The following SDC2 variants were observed in gnomAD, a reference collection of about 807,000 sequenced individuals.
SDC2 encodes the protein syndecan 2, also known as syndecan-2.
Under a neutral mutation model 22.2 loss-of-function variants are expected in SDC2, and 13 were observed. That is an observed-to-expected ratio of 0.59 (90% CI 0.38 to 0.93). SDC2 has a LOEUF of 0.93. Ranked by LOEUF, SDC2 falls within the 40% of genes least tolerant of loss-of-function variation. The pLI is 0.00. For synonymous variants in SDC2, 94 were observed against 92.8 expected (o/e 1.01, Z -0.07); for missense variants, 235 against 246.8 (o/e 0.95, Z 0.32).
chr8:96,507,117 C>T (rs1350417930), intron 1 of SDC2, among the ~76,000 whole-genome samples: 1 of 151,248 alleles, frequency 6.6e-6, no homozygotes, highest in Non-Finnish European at 1.5e-5. Flanking sequence ...GTTTTTGTAA[C>T]AACGGATTTT....
chr8:96,528,285 A>G (rs995561130), intron 1 of SDC2, among the ~76,000 whole-genome samples: 5 of 152,212 alleles, frequency 3.3e-5, no homozygotes, highest in Non-Finnish European at 5.9e-5. Context: ...TTTAAGCCTA[A>G]AAGCCAAAAA....
At chr8:96,534,796 G>A (rs1170872557) in intron 1 of SDC2, among the ~76,000 whole-genome samples, 1 of 151,770 alleles carries the variant, frequency 6.6e-6, no homozygotes, top group African/African-American at 2.4e-5. Flanking sequence ...TTCTCCCCCA[G>A]GAATATTTTA....
At chr8:96,590,361 CCAG>C (rs1298683121) in intron 1 of SDC2, among the ~76,000 whole-genome samples, 3 of 152,214 alleles carry the variant, frequency 2.0e-5, no homozygotes, top group African/African-American at 7.2e-5. Flanking sequence ...TTGCTTTCGT[CCAG>C]CGTCTCGGTC....
chr8:96,606,999 C>T (rs1179752568), intron 3 of SDC2, among the ~76,000 whole-genome samples: 2 of 152,154 alleles, frequency 1.3e-5, no homozygotes, highest in African/African-American at 2.4e-5. Flanking sequence ...GCTCCGCCTC[C>T]TGTCAGATCA....
chr8:96,590,105 T>C (rs997038744), intron 1 of SDC2, among the ~76,000 whole-genome samples: 5 of 152,278 alleles, frequency 3.3e-5, no homozygotes, highest in African/African-American at 1.2e-4. Flanking sequence ...ATTTTCCTCT[T>C]GGTCGTACCT....
At chr8:96,531,973 C>A (rs1000512657) in intron 1 of SDC2, among the ~76,000 whole-genome samples, 1 of 152,176 alleles carries the variant, frequency 6.6e-6, no homozygotes, top group African/African-American at 2.4e-5. Context: ...TCCACCATGA[C>A]CTCAAGATGG....
chr8:96,575,402 G>A (rs1814471352), intron 1 of SDC2, among the ~76,000 whole-genome samples: 1 of 151,702 alleles, frequency 6.6e-6, no homozygotes, highest in South Asian at 2.1e-4. Flanking sequence ...TGGTGGCGGG[G>A]AGAGTTTCTG....
At chr8:96,608,498 G>C in intron 4 of SDC2, 28 bp downstream of exon 4, 2 of 1,599,644 alleles carry the variant, frequency 1.3e-6, no homozygotes, top group Non-Finnish European at 1.7e-6. Flanking sequence ...CCTCAGGTGG[G>C]AGGGTGCCTA....
At chr8:96,581,557 G>C (rs973646599) in intron 1 of SDC2, among the ~76,000 whole-genome samples, 28 of 152,166 alleles carry the variant, frequency 1.8e-4, no homozygotes, top group African/African-American at 6.5e-4. Flanking sequence ...TCTTGAACCT[G>C]GGAGGCAGAG....
intron 1 of SDC2, among the ~76,000 whole-genome samples, chr8:96,561,421 A>G (rs1814208286): frequency 6.6e-6 from 1 of 152,176 alleles, no homozygotes; most frequent in Admixed American, 6.5e-5. Flanking sequence ...TACTGTAGCA[A>G]TACTCTTTGG....
chr8:96,573,405 T>C (rs1350531825), intron 1 of SDC2, among the ~76,000 whole-genome samples: 3 of 15,090 alleles, frequency 2.0e-4, no homozygotes, highest in Non-Finnish European at 6.6e-4. Context: ...GGGGAAACCA[T>C]GGGATTGCTA....
chr8:96,505,993 T>C (rs1407426251), intron 1 of SDC2, among the ~76,000 whole-genome samples: 1 of 152,226 alleles, frequency 6.6e-6, no homozygotes, highest in African/African-American at 2.4e-5. Flanking sequence ...TTGAATCTAG[T>C]TCGGCATTTG....
At chr8:96,584,284 T>C (rs1814644999) in intron 1 of SDC2, among the ~76,000 whole-genome samples, 1 of 152,248 alleles carries the variant, frequency 6.6e-6, no homozygotes, top group Admixed American at 6.5e-5. Context: ...GGTCTGCCCT[T>C]TGGCCCCAAG....
At chr8:96,558,330 G>A (rs1435034605) in intron 1 of SDC2, among the ~76,000 whole-genome samples, 3 of 152,030 alleles carry the variant, frequency 2.0e-5, no homozygotes, top group Non-Finnish European at 4.4e-5. Flanking sequence ...AGAGGAGTTG[G>A]CTTATGGTGT....
At chr8:96,536,198 G>A (rs1156739810) in intron 1 of SDC2, among the ~76,000 whole-genome samples, 6 of 151,930 alleles carry the variant, frequency 3.9e-5, no homozygotes. Context: ...GACAGAAGTG[G>A]GTCTGCCACA....
At chr8:96,579,992 GC>G (rs369734762) in intron 1 of SDC2, among the ~76,000 whole-genome samples, 1 of 152,190 alleles carries the variant, frequency 6.6e-6, no homozygotes, top group Non-Finnish European at 1.5e-5. Context: ...TTTTTACAGA[GC>G]CCCCCCAGCA....
Position 96,504,084 on chromosome 8 carries a change from A to G in SDC2, c.60+9753A>G, listed in dbSNP as rs566072484. ...ACAGTTTAAGGGAGATAACAATATG[A>G]TCATCTCAACAGATGCAGAAAAAGC... On this transcript the variant is annotated intron_variant, in intron 1 of 4. Transcript: ENST00000302190. 2.0e-5 allele frequency among the ~76,000 whole-genome samples: 3 copies of G among 152,364 alleles called. No homozygotes were observed. In the South Asian group the frequency reaches 6.2e-4, roughly 32 times the overall value.
chr8:96,529,682 T>C (rs961625783), intron 1 of SDC2, among the ~76,000 whole-genome samples: 3 of 152,180 alleles, frequency 2.0e-5, no homozygotes, highest in African/African-American at 7.2e-5. Context: ...TGAGTAGCCT[T>C]CTTACTTGGG....
chr8:96,494,622 G>A (rs568357738), intron 1 of SDC2, among the ~76,000 whole-genome samples: 1 of 152,242 alleles, frequency 6.6e-6, no homozygotes, highest in East Asian at 1.9e-4. Context: ...CTTCGCCCTC[G>A]GCGGGTCTTG....
Sources: gnomAD v4.1 joint callset for allele counts (sites outside exome capture counted in the v4.1 genomes callset) on GRCh38, gnomAD v4.1.1 for gene constraint, MANE v1.5 for transcripts, NCBI Gene and HGNC (gene_info 2026-07-23, HGNC 2026-07-21) for gene names.